Variants in ARB2A observed in about 807,000 individuals in gnomAD.
ARB2A encodes ARB2 cotranscriptional regulator A.
the ARB2A span, among the ~76,000 whole-genome samples, chr5:93,782,450 C>T: frequency 6.6e-6 from 1 of 152,102 alleles, no homozygotes; most frequent in African/African-American, 2.4e-5. Flanking sequence ...TATTGATTTA[C>T]CTAGCCAGAG....
chr5:93,637,441 T>C, the ARB2A span, among the ~76,000 whole-genome samples: 1 of 148,890 alleles, frequency 6.7e-6, no homozygotes, highest in Non-Finnish European at 1.5e-5. Flanking sequence ...AAATCTTAAT[T>C]TCTCTGGGAT....
the ARB2A span, among the ~76,000 whole-genome samples, chr5:93,709,632 CAAAAAAAA>C: frequency 9.6e-5 from 4 of 41,680 alleles, no homozygotes; most frequent in South Asian, 1.6e-3. Flanking sequence ...GACTCTGTCA[CAAAAAAAA>C]AAAAAAAAAA....
chr5:93,785,569 C>T, the ARB2A span, among the ~76,000 whole-genome samples: 2 of 152,152 alleles, frequency 1.3e-5, no homozygotes, highest in Admixed American at 6.5e-5. Context: ...TGCCTGTTGG[C>T]GTTCTGAATT....
chr5:93,741,515 C>T, the ARB2A span: 1 of 1,609,116 alleles, frequency 6.2e-7, no homozygotes, highest in African/African-American at 1.3e-5. Context: ...CCGCCCCCAC[C>T]ACTGCCTGGA....
At chr5:93,747,052 C>A in the ARB2A span, among the ~76,000 whole-genome samples, 4 of 152,140 alleles carry the variant, frequency 2.6e-5, no homozygotes, top group East Asian at 5.8e-4. Flanking sequence ...AATTATCACT[C>A]TGCTTCCATT....
the ARB2A span, among the ~76,000 whole-genome samples, chr5:94,001,475 C>T: frequency 6.6e-6 from 1 of 151,786 alleles, no homozygotes; most frequent in Admixed American, 6.6e-5. Context: ...TGTAGTTGCC[C>T]CATGGTCCTT....
chr5:93,666,674 T>C, the ARB2A span, among the ~76,000 whole-genome samples: 2 of 152,164 alleles, frequency 1.3e-5, no homozygotes, highest in Non-Finnish European at 2.9e-5. Context: ...TAAAATTAAT[T>C]TGTATTCCCC....
the ARB2A span, among the ~76,000 whole-genome samples, chr5:93,770,106 G>A: frequency 6.6e-6 from 1 of 152,112 alleles, no homozygotes. Context: ...TTTAGAAATA[G>A]ATGCTCTTAA....
At chr5:93,689,565 C>T in the ARB2A span, among the ~76,000 whole-genome samples, 3 of 152,206 alleles carry the variant, frequency 2.0e-5, no homozygotes, top group African/African-American at 2.4e-5. Flanking sequence ...TCCTTAGACT[C>T]ACCTTTTGCT....
chr5:93,923,790 G>A, the ARB2A span, among the ~76,000 whole-genome samples: 1 of 152,124 alleles, frequency 6.6e-6, no homozygotes, highest in Admixed American at 6.5e-5. Flanking sequence ...GCCTGGGCAA[G>A]AGAGTGAGAC....
At chr5:93,863,094 G>A in the ARB2A span, 3 of 151,906 alleles carry the variant, frequency 2.0e-5, no homozygotes, top group African/African-American at 7.3e-5. Context: ...TCTAGCTCTG[G>A]GCAAGTGGCA....
the ARB2A span, among the ~76,000 whole-genome samples, chr5:93,697,116 C>G: frequency 6.7e-6 from 1 of 149,860 alleles, no homozygotes; most frequent in African/African-American, 2.5e-5. Context: ...ATCTTCCCGT[C>G]GTAGTGAGAA....
At chr5:93,648,068 A>C in the ARB2A span, among the ~76,000 whole-genome samples, 1 of 151,542 alleles carries the variant, frequency 6.6e-6, no homozygotes, top group Non-Finnish European at 1.5e-5. Context: ...GCTTGAATCC[A>C]GGAGAAGCCT....
chr5:94,035,693 C>T, the ARB2A span, among the ~76,000 whole-genome samples: 3 of 152,224 alleles, frequency 2.0e-5, no homozygotes, highest in East Asian at 1.9e-4. Context: ...AGAATGAGTT[C>T]GTGTCCTTTG....
chr5:94,073,440 T>C, the ARB2A span, among the ~76,000 whole-genome samples: 1 of 152,038 alleles, frequency 6.6e-6, no homozygotes, highest in Non-Finnish European at 1.5e-5. Flanking sequence ...CTTGTTCATG[T>C]TAAGAAGGAA....
At chr5:93,979,261 T>C in the ARB2A span, among the ~76,000 whole-genome samples, 4 of 152,152 alleles carry the variant, frequency 2.6e-5, no homozygotes, top group African/African-American at 9.6e-5. Context: ...TGATTTAAAA[T>C]GTGTTTATCC....
At chr5:93,653,987 A>G in the ARB2A span, among the ~76,000 whole-genome samples, 3 of 152,210 alleles carry the variant, frequency 2.0e-5, no homozygotes, top group Non-Finnish European at 4.4e-5. Flanking sequence ...CTGATTTTGC[A>G]TTTTAAAATA....
At chr5:94,068,705 C>G in the ARB2A span, among the ~76,000 whole-genome samples, 4 of 151,956 alleles carry the variant, frequency 2.6e-5, no homozygotes, top group South Asian at 8.3e-4. Flanking sequence ...TTATAAGCCC[C>G]ATGTTTAAAA....
At chr5:94,015,471 C>T in the ARB2A span, among the ~76,000 whole-genome samples, 1 of 151,612 alleles carries the variant, frequency 6.6e-6, no homozygotes, top group African/African-American at 2.4e-5. Flanking sequence ...ATAAAATCGA[C>T]AGTTAAAATC....
Sources: gnomAD v4.1 joint callset for allele counts (sites outside exome capture counted in the v4.1 genomes callset) on GRCh38, gnomAD v4.1.1 for gene constraint, MANE v1.5 for transcripts, NCBI Gene and HGNC (gene_info 2026-07-23, HGNC 2026-07-21) for gene names.